TUSC3: variants seen among roughly 807,000 people sequenced by gnomAD.
The protein encoded by TUSC3 is tumor suppressor candidate 3.
A neutral mutation model predicts 44.8 loss-of-function variants in TUSC3; 45 were observed. That is an observed-to-expected ratio of 1.00 (90% CI 0.79 to 1.29). The LOEUF is 1.29. Ranked by LOEUF, TUSC3 falls within the 50% of genes most tolerant of loss-of-function variation. The pLI is 0.00. For missense variants in TUSC3, 519 were observed against 437.9 expected, an observed-to-expected ratio of 1.19 and a Z score of -1.65; for synonymous variants, 212 against 152.9, an observed-to-expected ratio of 1.39 and a Z score of -2.85.
intron 1 of TUSC3, among the ~76,000 whole-genome samples, chr8:15,561,836 T>C (rs1404399158): frequency 6.6e-6 from 1 of 152,104 alleles, no homozygotes; most frequent in Non-Finnish European, 1.5e-5. Context: ...GCTTCCCAAG[T>C]GAGGCAATGC....
In TUSC3 at chr8:15,472,292, A is replaced by G. The variant is rs577861214; in HGVS notation, n.92-11094A>G. ...AATTTCTGTAATTTAAAAGCCTGAG[A>G]GATTCTGGCAGACTTTCAGACTAGA... On this transcript the variant is annotated intron_variant and non_coding_transcript_variant, in intron 1 of 5. Transcript: ENST00000503191. Among the ~76,000 whole-genome samples, 4 of 152,320 alleles carry G rather than the reference A, an allele frequency of 2.6e-5. No individual in the cohort carries two copies. In the South Asian group the frequency reaches 8.3e-4, roughly 32 times the overall value.
At chr8:15,717,742 C>T (rs1034425479) in intron 6 of TUSC3, among the ~76,000 whole-genome samples, 1 of 151,992 alleles carries the variant, frequency 6.6e-6, no homozygotes, top group African/African-American at 2.4e-5. Flanking sequence ...CATTTTGTAC[C>T]ATGTAACTTA....
At chr8:15,834,001 C>T in the TUSC3 span, among the ~76,000 whole-genome samples, 1 of 151,930 alleles carries the variant, frequency 6.6e-6, no homozygotes, top group Non-Finnish European at 1.5e-5. Context: ...TTTATTTCTA[C>T]ACATTCTTTT....
chr8:15,591,973 A>C (rs1803860430), intron 1 of TUSC3, among the ~76,000 whole-genome samples: 1 of 152,192 alleles, frequency 6.6e-6, no homozygotes, highest in Non-Finnish European at 1.5e-5. Flanking sequence ...AACAAGTGGA[A>C]ATGGGGAAAG....
chr8:15,495,810 G>A (rs1254027042), intron 2 of TUSC3, among the ~76,000 whole-genome samples: 3 of 152,112 alleles, frequency 2.0e-5, no homozygotes, highest in Admixed American at 6.6e-5. Flanking sequence ...TGGAGAAATT[G>A]CACTCAGACT....
At chr8:15,518,333 G>A (rs1381259987) in intron 2 of TUSC3, among the ~76,000 whole-genome samples, 1 of 151,974 alleles carries the variant, frequency 6.6e-6, no homozygotes, top group Non-Finnish European at 1.5e-5. Context: ...AATTATACAT[G>A]TTACAGTTTT....
intron 2 of TUSC3, among the ~76,000 whole-genome samples, chr8:15,517,984 A>C (rs897555004): frequency 1.8e-5 from 1 of 56,834 alleles, no homozygotes; most frequent in African/African-American, 5.1e-5. Context: ...AAGAACAAAC[A>C]AAAAAAAACC....
chr8:15,566,138 A>G (rs1467688045), intron 1 of TUSC3, among the ~76,000 whole-genome samples: 1 of 152,138 alleles, frequency 6.6e-6, no homozygotes, highest in Non-Finnish European at 1.5e-5. Flanking sequence ...TGTCTTCTCT[A>G]GACAACGTTA....
intron 2 of TUSC3, among the ~76,000 whole-genome samples, chr8:15,631,508 T>G (rs1386544606): frequency 6.6e-6 from 1 of 152,196 alleles, no homozygotes; most frequent in Non-Finnish European, 1.5e-5. Context: ...TTTACCAAAA[T>G]TCACTAATTA....
At position 15,595,081 on chromosome 8, in the gene TUSC3, C is replaced by T. The variant is rs375661550; in HGVS notation, c.139-27999C>T. Among the ~76,000 whole-genome samples, 546 of 152,276 alleles carry T rather than the reference C, an allele frequency of 3.6e-3. 4 individuals carry two copies. Among genetic ancestry groups the T allele is most frequent in the African/African-American group, 0.013 (525 of 41,556 alleles). On this transcript the variant is annotated intron_variant, in intron 1 of 10. Transcript: ENST00000503731. ...GAACTTGGGCTATTCCCACCAGTCCCTCCCTTTCTCAGAATATTGCATTCC... is the reference window on the plus strand; with the variant it reads ...GAACTTGGGCTATTCCCACCAGTCCTTCCCTTTCTCAGAATATTGCATTCC...
At chr8:15,689,087 C>T (rs1808773828) in intron 6 of TUSC3, 1 of 378,430 alleles carries the variant, frequency 2.6e-6, no homozygotes. Context: ...TGTAGTTTGC[C>T]TTTCTTTTCT....
chr8:15,756,736 G>A (rs778292796), intron 9 of TUSC3, among the ~76,000 whole-genome samples: 2 of 152,174 alleles, frequency 1.3e-5, no homozygotes, highest in Non-Finnish European at 2.9e-5. Flanking sequence ...GCTTGCCACA[G>A]CTCCAGAAGA....
At chr8:15,459,378 T>C (rs1384703389) in intron 1 of TUSC3, among the ~76,000 whole-genome samples, 1 of 151,838 alleles carries the variant, frequency 6.6e-6, no homozygotes, top group East Asian at 1.9e-4. Context: ...AAACTCTTCT[T>C]TTTTTTTGAC....
intron 2 of TUSC3, among the ~76,000 whole-genome samples, chr8:15,513,709 C>T (rs1801173677): frequency 6.6e-6 from 1 of 151,568 alleles, no homozygotes; most frequent in African/African-American, 2.4e-5. Flanking sequence ...CCTGGGTCTA[C>T]ACACATTTTC....
intron 8 of TUSC3, among the ~76,000 whole-genome samples, chr8:15,747,236 T>C (rs1226794061): frequency 1.3e-5 from 2 of 152,090 alleles, no homozygotes; most frequent in Non-Finnish European, 2.9e-5. Context: ...CATAGTTCCT[T>C]ATTATAGAAT....
At chr8:15,843,621 T>TATATATATATATATATATACACACAC in the TUSC3 span, among the ~76,000 whole-genome samples, 5 of 146,764 alleles carry the variant, frequency 3.4e-5, no homozygotes, top group African/African-American at 1.1e-4. Context: ...TATATATATA[T>TATATATATATATATATATACACACAC]ACACGCACAT....
intron 9 of TUSC3, among the ~76,000 whole-genome samples, chr8:15,752,968 A>G (rs1436056198): frequency 6.6e-6 from 1 of 151,968 alleles, no homozygotes; most frequent in Non-Finnish European, 1.5e-5. Flanking sequence ...GTACAAATAT[A>G]TGCAATGAAA....
At chr8:15,474,759 G>A (rs1800551681) in intron 1 of TUSC3, among the ~76,000 whole-genome samples, 1 of 152,056 alleles carries the variant, frequency 6.6e-6, no homozygotes, top group African/African-American at 2.4e-5. Context: ...AAAAATAAGT[G>A]AAATAGCCAG....
At position 15,723,535 on chromosome 8, in the gene TUSC3, C is replaced by T. The variant is rs28567713; in HGVS notation, c.799-7131C>T. On this transcript the variant is annotated intron_variant, in intron 6 of 10. Transcript: ENST00000503731. ...TAGATAATACCTCTTTATATCTCTT[C>T]TTTCAGGCAAATCCAGAAAGACTTG... is the stretch of plus-strand genomic sequence containing the variant. Among the ~76,000 whole-genome samples, 474 of 152,250 alleles carry T rather than the reference C, an allele frequency of 3.1e-3. 6 individuals carry two copies. Among genetic ancestry groups the T allele is most frequent in the African/African-American group, 0.011 (458 of 41,568 alleles).
Sources: allele counts gnomAD v4.1 joint callset (sites outside exome capture counted in the v4.1 genomes callset), GRCh38; gene constraint gnomAD v4.1.1; transcripts MANE v1.5; gene names NCBI Gene and HGNC (gene_info 2026-07-23, HGNC 2026-07-21).